The following NCAM2 variants were observed in gnomAD, a reference collection of about 807,000 sequenced individuals.
NCAM2 encodes neural cell adhesion molecule 2.
In NCAM2, 30 loss-of-function variants were observed where a neutral mutation model predicts 98.1. That is an observed-to-expected ratio of 0.31 (90% CI 0.23 to 0.41). The LOEUF is 0.41. NCAM2 is among the 10% of genes least tolerant of loss of function. The pLI is 1.00. For synonymous variants in NCAM2, 368 were observed against 342.4 expected (o/e 1.07, Z -0.83); for missense variants, 867 against 1,005.8 (o/e 0.86, Z 1.87).
chr21:21,483,399 T>G (rs1254333749), intron 15 of NCAM2, among the ~76,000 whole-genome samples: 7 of 152,018 alleles, frequency 4.6e-5, no homozygotes, highest in Non-Finnish European at 1.0e-4. Context: ...CAAAAAATAT[T>G]GCTAAAATAT....
chr21:21,372,039 T>C (rs990076300), intron 8 of NCAM2, among the ~76,000 whole-genome samples: 3 of 151,818 alleles, frequency 2.0e-5, no homozygotes, highest in African/African-American at 4.8e-5. Context: ...TCAAATGTGC[T>C]GTGAACTCTA....
chr21:21,037,049 T>A (rs2146245741), intron 1 of NCAM2, among the ~76,000 whole-genome samples: 1 of 152,270 alleles, frequency 6.6e-6, no homozygotes, highest in East Asian at 1.9e-4. Flanking sequence ...ATGCTTTTTT[T>A]TGAGATGGTC....
At chr21:21,484,659 C>G (rs1446558210) in intron 15 of NCAM2, among the ~76,000 whole-genome samples, 2 of 151,924 alleles carry the variant, frequency 1.3e-5, no homozygotes, top group African/African-American at 2.4e-5. Flanking sequence ...AAAATATTTC[C>G]TAAGGTCCAA....
chr21:21,244,685 A>T (rs991286362), intron 1 of NCAM2, among the ~76,000 whole-genome samples: 3 of 151,972 alleles, frequency 2.0e-5, no homozygotes, highest in African/African-American at 7.2e-5. Context: ...TGTCTCTACT[A>T]AAAATACAGA....
chr21:21,188,792 C>T (rs759697839), intron 1 of NCAM2, among the ~76,000 whole-genome samples: 3 of 152,096 alleles, frequency 2.0e-5, no homozygotes, highest in African/African-American at 4.8e-5. Context: ...TGACTGGTTC[C>T]GTCCATTTAA....
At chr21:21,231,701 A>T (rs1257938674) in intron 1 of NCAM2, among the ~76,000 whole-genome samples, 1 of 151,392 alleles carries the variant, frequency 6.6e-6, no homozygotes, top group Non-Finnish European at 1.5e-5. Flanking sequence ...AGGGGAACTC[A>T]TAATGAGATA....
intron 1 of NCAM2, among the ~76,000 whole-genome samples, chr21:21,267,781 T>C (rs1459243146): frequency 6.6e-6 from 1 of 152,206 alleles, no homozygotes; most frequent in Non-Finnish European, 1.5e-5. Context: ...ATTTAAATTC[T>C]TTATACTATT....
At chr21:21,386,717 T>G (rs992645325) in intron 9 of NCAM2, among the ~76,000 whole-genome samples, 1 of 152,222 alleles carries the variant, frequency 6.6e-6, no homozygotes, top group Admixed American at 6.5e-5. Context: ...CAGGTGTTAT[T>G]TGATTCAGAT....
chr21:21,335,627 C>A lies in NCAM2; in HGVS notation c.860C>A (p.Ala287Glu). The A allele has an allele frequency of 3.1e-6, 5 of 1,607,936 alleles. No homozygotes were observed. Among genetic ancestry groups the A allele is most frequent in the Non-Finnish European group, 4.2e-6 (5 of 1,177,410 alleles). The change falls in exon 7 of 18, where the codon GCA becomes GAA. Residue 287 changes from alanine (A) to glutamate (E), a missense_variant. Transcript: ENST00000400546. ...TATGTCTGCAGGGCCACAAATAAGG[C>A]AGGAGAAGATGAAAAGCAAGCTTTC... is the stretch of plus-strand genomic sequence containing the variant. ...GPYVCRATNKAGEDEKQAFLQ... is the reference protein window; with the variant it reads ...GPYVCRATNKEGEDEKQAFLQ...
Position 21,149,024 on chromosome 21 carries a change from A to C in NCAM2, c.56-131554A>C, listed in dbSNP as rs578160096. On this transcript the variant is annotated intron_variant, in intron 1 of 17. Transcript: ENST00000400546. Reference sequence around the variant, plus strand: ...ATAGGACCTTAGTTCAAATAAAAATACTGTATATATGTGGTTCTATTTCTG... The same window carrying C: ...ATAGGACCTTAGTTCAAATAAAAATCCTGTATATATGTGGTTCTATTTCTG... Among the ~76,000 whole-genome samples the C allele has an allele frequency of 5.9e-5, 9 of 152,282 alleles. No homozygotes were observed. In the East Asian group the frequency reaches 1.5e-3, roughly 26 times the overall value.
chr21:21,285,081 T>A (rs562934070), intron 3 of NCAM2, among the ~76,000 whole-genome samples: 9 of 151,966 alleles, frequency 5.9e-5, no homozygotes, highest in Admixed American at 3.3e-4. Context: ...AACCTCTCTG[T>A]CTTTAGTTTC....
chr21:21,085,223 A>T (rs2065885394), intron 1 of NCAM2, among the ~76,000 whole-genome samples: 1 of 151,662 alleles, frequency 6.6e-6, no homozygotes, highest in Non-Finnish European at 1.5e-5. Flanking sequence ...AATTATAAAG[A>T]ATGGAGAGTT....
chr21:21,050,099 A>G (rs1354393163), intron 1 of NCAM2, among the ~76,000 whole-genome samples: 2 of 152,050 alleles, frequency 1.3e-5, no homozygotes, highest in African/African-American at 4.8e-5. Context: ...GCAAAATTTG[A>G]ATGTTTTTTT....
Position 21,338,529 on chromosome 21 carries a change from G to A in NCAM2, c.1039G>A (p.Asp347Asn), listed in dbSNP as rs35654962. 2.4e-3 allele frequency: 3,884 copies of A among 1,606,242 alleles called. 75 individuals are homozygous for A. The African/African-American group carries it at 0.045, about 19-fold the overall frequency. ...AVDGFTFTEG[D>N]KSLDGRIEVK... Reference sequence around the variant, plus strand: ...GGATGGCTTCACGTTCACTGAAGGCGATAAGGTAACCACATCTCAATATGT... The same window carrying A: ...GGATGGCTTCACGTTCACTGAAGGCAATAAGGTAACCACATCTCAATATGT... Residue 347 changes from aspartate (D) to asparagine (N), a missense_variant, in exon 8 of 18, where the codon GAT becomes AAT. By Grantham distance (23) the Asp-to-Asn change is conservative. Coordinates refer to ENST00000400546, the MANE Select transcript of NCAM2 (RefSeq NM_004540.5).
At chr21:21,400,906 A>G (rs1484554996) in intron 9 of NCAM2, among the ~76,000 whole-genome samples, 1 of 152,200 alleles carries the variant, frequency 6.6e-6, no homozygotes, top group African/African-American at 2.4e-5. Flanking sequence ...TAAAAGTAAT[A>G]TGCATGTTTA....
chr21:21,063,634 T>C (rs1481232935), intron 1 of NCAM2, among the ~76,000 whole-genome samples: 1 of 152,120 alleles, frequency 6.6e-6, no homozygotes. Flanking sequence ...CCTTAGTATG[T>C]GTGTAGAACT....
chr21:21,500,227 G>C (rs574824565), intron 15 of NCAM2, among the ~76,000 whole-genome samples: 1 of 152,046 alleles, frequency 6.6e-6, no homozygotes, highest in Non-Finnish European at 1.5e-5. Flanking sequence ...AATGAAATTT[G>C]CCATGATTTT....
At chr21:21,246,768 T>C (rs2071286050) in intron 1 of NCAM2, among the ~76,000 whole-genome samples, 1 of 152,220 alleles carries the variant, frequency 6.6e-6, no homozygotes, top group African/African-American at 2.4e-5. Flanking sequence ...ATTTTAAATT[T>C]AAACATGCAT....
chr21:21,277,848 G>A (rs551146378), intron 1 of NCAM2, among the ~76,000 whole-genome samples: 3 of 151,980 alleles, frequency 2.0e-5, no homozygotes, highest in Non-Finnish European at 1.5e-5. Flanking sequence ...GAAATATATT[G>A]GATTAAAATT....
Sources: gnomAD v4.1 joint callset for allele counts (sites outside exome capture counted in the v4.1 genomes callset) on GRCh38, gnomAD v4.1.1 for gene constraint, MANE v1.5 for transcripts, NCBI Gene and HGNC (gene_info 2026-07-23, HGNC 2026-07-21) for gene names.